Variants in CLSTN2 observed in about 807,000 individuals in gnomAD.
CLSTN2 encodes the protein calsyntenin-2.
A neutral mutation model predicts 101.2 loss-of-function variants in CLSTN2; 48 were observed. The ratio of observed to expected loss-of-function variants is 0.47; its 90% CI spans 0.38 to 0.60. The LOEUF is 0.60. Ranked by LOEUF, CLSTN2 falls within the 20% of genes least tolerant of loss-of-function variation. The pLI, the probability that CLSTN2 is intolerant of heterozygous loss-of-function variation, is 0.00. For missense variants in CLSTN2, 1,160 were observed against 1,238.2 expected (o/e 0.94, Z 0.95); for synonymous variants, 481 against 463.6 (o/e 1.04, Z -0.48).
At chr3:140,471,737 T>C (rs1933853539) in intron 8 of CLSTN2, among the ~76,000 whole-genome samples, 1 of 152,132 alleles carries the variant, frequency 6.6e-6, no homozygotes. Context: ...GAAAGTAAAA[T>C]AAAGTAATAA....
At chr3:140,080,428 G>A (rs1178419668) in intron 1 of CLSTN2, among the ~76,000 whole-genome samples, 1 of 152,220 alleles carries the variant, frequency 6.6e-6, no homozygotes, top group Non-Finnish European at 1.5e-5. Context: ...TTTGAAGACA[G>A]CATCTAGGTG....
chr3:140,546,818 G>C, intron 10 of CLSTN2, 137 bp downstream of exon 10: 1 of 743,948 alleles, frequency 1.3e-6, no homozygotes, highest in Non-Finnish European at 2.1e-6. Context: ...GTGCAGCCAC[G>C]AGATGGGGGT....
At chr3:140,252,138 C>A (rs905700046) in intron 2 of CLSTN2, among the ~76,000 whole-genome samples, 2 of 152,026 alleles carry the variant, frequency 1.3e-5, no homozygotes, top group African/African-American at 4.8e-5. Context: ...AGGGGAGCAG[C>A]AAGAGAGTGA....
chr3:140,563,351 T>C (rs1305623666), intron 15 of CLSTN2, 148 bp downstream of exon 15: 2 of 824,066 alleles, frequency 2.4e-6, no homozygotes, highest in Non-Finnish European at 3.8e-6. Flanking sequence ...TGCCCTGGCT[T>C]TGAGATACTC....
chr3:140,469,671 C>A (rs889499151), intron 8 of CLSTN2, among the ~76,000 whole-genome samples: 1 of 152,192 alleles, frequency 6.6e-6, no homozygotes, highest in African/African-American at 2.4e-5. Context: ...GCACTGAACT[C>A]CTGGAGGGCA....
At chr3:139,996,811 G>T (rs983712223) in intron 1 of CLSTN2, among the ~76,000 whole-genome samples, 4 of 152,060 alleles carry the variant, frequency 2.6e-5, no homozygotes, top group Admixed American at 6.5e-5. Flanking sequence ...TCTTTGGGAG[G>T]CCGAGGTGGG....
chr3:140,477,439 T>G (rs1934011406), intron 8 of CLSTN2, among the ~76,000 whole-genome samples: 1 of 152,076 alleles, frequency 6.6e-6, no homozygotes, highest in African/African-American at 2.4e-5. Flanking sequence ...TCTTTGTGGT[T>G]TTAGGTGCAA....
Position 140,574,025 on chromosome 3 carries a change from A to G in CLSTN2, c.*7772A>G, listed in dbSNP as rs147896457. On this transcript the variant is annotated 3_prime_UTR_variant, in exon 17 of 17. Transcript: ENST00000458420. ...CCTCTGCTGATATGGCCACCTCCTT[A>G]AGGTAAGAAGACTACCGACTTAGCT... The G allele has an allele frequency of 7.0e-4, 106 of 152,266 alleles. 1 individual carries two copies. Among genetic ancestry groups the G allele is most frequent in the Non-Finnish European group, 1.1e-3 (76 of 68,014 alleles). 9.4% of individuals were successfully genotyped at this position (152,266 alleles called of 1,614,324 possible).
At chr3:139,945,857 G>C (rs879413556) in intron 1 of CLSTN2, among the ~76,000 whole-genome samples, 1 of 152,036 alleles carries the variant, frequency 6.6e-6, no homozygotes, top group Non-Finnish European at 1.5e-5. Flanking sequence ...TATAGTAATA[G>C]GAAAAGCTGA....
chr3:140,222,877 A>G (rs902008410), intron 2 of CLSTN2, among the ~76,000 whole-genome samples: 3 of 150,980 alleles, frequency 2.0e-5, no homozygotes, highest in Admixed American at 6.6e-5. Context: ...ATTTTAAGAA[A>G]AAAAAAAAAA....
chr3:140,554,116 T>A (rs1434283595), intron 10 of CLSTN2, among the ~76,000 whole-genome samples: 1 of 152,058 alleles, frequency 6.6e-6, no homozygotes, highest in Non-Finnish European at 1.5e-5. Context: ...ATTTTGTAAA[T>A]GATATAGGAG....
At chr3:140,163,483 G>T (rs2010084628) in intron 1 of CLSTN2, among the ~76,000 whole-genome samples, 2 of 151,244 alleles carry the variant, frequency 1.3e-5, no homozygotes, top group Non-Finnish European at 2.9e-5. Context: ...GATTTAGAGA[G>T]ATTGTTATGT....
At chr3:140,114,758 T>C (rs2009212492) in intron 1 of CLSTN2, among the ~76,000 whole-genome samples, 1 of 152,120 alleles carries the variant, frequency 6.6e-6, no homozygotes, top group Non-Finnish European at 1.5e-5. Flanking sequence ...ACCTAAATAT[T>C]TGTTGGAAGA....
chr3:140,444,388 C>T (rs1466432622), intron 5 of CLSTN2, among the ~76,000 whole-genome samples: 4 of 151,664 alleles, frequency 2.6e-5, no homozygotes, highest in African/African-American at 4.8e-5. Context: ...TGAGATTGTG[C>T]CATTGCACTC....
At chr3:140,418,878 A>G (rs1415754116) in intron 4 of CLSTN2, among the ~76,000 whole-genome samples, 1 of 152,118 alleles carries the variant, frequency 6.6e-6, no homozygotes, top group Non-Finnish European at 1.5e-5. Context: ...GACATCAGTC[A>G]GCGTCCAGGA....
At chr3:140,529,706 T>C (rs1935214961) in intron 8 of CLSTN2, among the ~76,000 whole-genome samples, 1 of 152,206 alleles carries the variant, frequency 6.6e-6, no homozygotes, top group South Asian at 2.1e-4. Context: ...ATAAGCTTTG[T>C]ATGAGCTAAA....
chr3:139,936,379 G>C (rs1419236380), intron 1 of CLSTN2, among the ~76,000 whole-genome samples: 1 of 152,216 alleles, frequency 6.6e-6, no homozygotes, highest in African/African-American at 2.4e-5. Context: ...GGTGGGCTCA[G>C]GGGAGGCTGT....
intron 2 of CLSTN2, among the ~76,000 whole-genome samples, chr3:140,194,648 C>T (rs1274315503): frequency 6.6e-6 from 1 of 152,126 alleles, no homozygotes; most frequent in South Asian, 2.1e-4. Context: ...TTTTGGTTAG[C>T]TTTTTCTGAC....
At chr3:140,214,123 C>T (rs899830230) in intron 2 of CLSTN2, among the ~76,000 whole-genome samples, 2 of 151,930 alleles carry the variant, frequency 1.3e-5, no homozygotes, top group African/African-American at 4.8e-5. Flanking sequence ...TAGGGTTATC[C>T]GAGCCTCAAC....
Sources: allele counts gnomAD v4.1 joint callset (sites outside exome capture counted in the v4.1 genomes callset), GRCh38; gene constraint gnomAD v4.1.1; transcripts MANE v1.5; gene names NCBI Gene and HGNC (gene_info 2026-07-23, HGNC 2026-07-21).